Variants in PHLDB1 observed in about 807,000 individuals in gnomAD.
PHLDB1 encodes pleckstrin homology-like domain family B member 1.
PHLDB1 carries 65 observed loss-of-function variants against 139.3 expected under a neutral mutation model. That is an observed-to-expected ratio of 0.47 (90% CI 0.38 to 0.57). PHLDB1 has a LOEUF of 0.57. PHLDB1 is among the 20% of genes least tolerant of loss of function. PHLDB1 has a pLI of 0.00. For synonymous variants in PHLDB1, 679 were observed against 734.5 expected, an observed-to-expected ratio of 0.92 and a Z score of 1.22; for missense variants, 1,624 against 1,839.7, an observed-to-expected ratio of 0.88 and a Z score of 2.14.
intron 4 of PHLDB1, among the ~76,000 whole-genome samples, chr11:118,617,366 G>A (rs1941855366): frequency 1.3e-5 from 2 of 152,108 alleles, no homozygotes; most frequent in Non-Finnish European, 2.9e-5. Context: ...CCTTGGAAGT[G>A]GCCATCCTAC....
In PHLDB1 at chr11:118,656,765, G is replaced by A. The variant is rs144682445; in HGVS notation, c.4076G>A (p.Arg1359His). Residue 1359 changes from arginine (R) to histidine (H), a missense_variant, in exon 23 of 23, where the codon CGT becomes CAT. Coordinates refer to ENST00000600882, the MANE Select transcript of PHLDB1 (RefSeq NM_001144758.3). ...YMVAPSAEAM[R>H]IWMDVIVTGA... ...GTGGCCCCATCTGCAGAGGCCATGC[G>A]TATCTGGATGGATGTCATTGTCACA... 320 of 1,613,772 alleles carry A rather than the reference G, an allele frequency of 2.0e-4. 1 individual carries two copies. Among genetic ancestry groups the A allele is most frequent in the Non-Finnish European group, 2.5e-4 (297 of 1,179,660 alleles).
Position 118,644,075 on chromosome 11 carries a change from G to A in PHLDB1, c.3022G>A (p.Ala1008Thr), listed in dbSNP as rs1156347951. 36 of 1,613,426 alleles carry A rather than the reference G, an allele frequency of 2.2e-5. No individual in the cohort carries two copies. Among genetic ancestry groups the A allele is most frequent in the East Asian group, 4.5e-5 (2 of 44,876 alleles). The change falls in exon 15 of 23, where the codon GCT becomes ACT. Residue 1008 changes from alanine to threonine, a missense_variant. Transcript: ENST00000600882. ...CGAACTCTCCATTCCTCTGCAGAGC[G>A]CTCTACTCACCCAGAATGGCACGGG... is the stretch of plus-strand genomic sequence containing the variant. ...TLGRSPSPKS[A>T]LLTQNGTGSL...
rs539110603 is a variant in PHLDB1, at chr11:118,650,691, T to C, written c.3874+144T>C. ...AGGCTTTGCCCTCCTTCCCTGAAAA[T>C]GTACACAATGTACCTGGTTCACCTC... On this transcript the variant is annotated intron_variant, in intron 20 of 22. Coordinates refer to ENST00000600882, the MANE Select transcript of PHLDB1 (RefSeq NM_001144758.3). This position sits in a 1 kb window ranked among gnomAD's most constrained non-coding sequence, Gnocchi z 4.7. The C allele has an allele frequency of 6.4e-6, 4 of 621,786 alleles. No individual in the cohort carries two copies. Among genetic ancestry groups the C allele is most frequent in the African/African-American group, 5.5e-5 (3 of 54,500 alleles). 38.5% of individuals were successfully genotyped at this position (621,786 alleles called of 1,614,324 possible). A position where few individuals can be genotyped will look rare whatever the true frequency, so the allele number is the denominator to read the frequency against.
chr11:118,656,284 C>G (rs1415658903), intron 22 of PHLDB1, among the ~76,000 whole-genome samples: 1 of 152,212 alleles, frequency 6.6e-6, no homozygotes, highest in Non-Finnish European at 1.5e-5. Context: ...CTCTGCTCCT[C>G]TGGGGTCCCA....
chr11:118,647,791 G>A (rs1555130516), intron 17 of PHLDB1, 139 bp from the exon 18 acceptor site: 2 of 845,446 alleles, frequency 2.4e-6, no homozygotes, highest in African/African-American at 1.7e-5. Flanking sequence ...CTCTTGGAGA[G>A]GGTGGGCTTT....
intron 1 of PHLDB1, among the ~76,000 whole-genome samples, chr11:118,612,815 G>A (rs1001455734): frequency 6.6e-6 from 1 of 152,196 alleles, no homozygotes; most frequent in Non-Finnish European, 1.5e-5. Flanking sequence ...GTTTCCCTGG[G>A]TCTGCCTCCT....
chr11:118,651,565 G>A (rs1948346221), intron 20 of PHLDB1: 1 of 150,992 alleles, frequency 6.6e-6, no homozygotes. Context: ...GAAGCGGGCA[G>A]ATCACGAGGT....
rs782767250 is a variant in PHLDB1 at position 118,627,337 on chromosome 11, A to G, written c.514A>G (p.Thr172Ala). The change falls in exon 6 of 23, where the codon ACC becomes GCC. Residue 172 changes from threonine (T) to alanine (A), a missense_variant. Transcript: ENST00000600882. ...AGAAAGTCTGGTAAATGGGAACCAC[A>G]CCCCACAGACTGCAACACGGGGACC... The part of the protein sequence containing the change: ...ESESLVNGNH[T>A]PQTATRGPSA... 9.9e-6 allele frequency: 16 copies of G among 1,613,828 alleles called. No individual in the cohort carries two copies. The highest frequency in any genetic ancestry group is 1.4e-5 in the Non-Finnish European group (16 of 1,179,944).
Position 118,638,878 on chromosome 11 carries a change from C to G in PHLDB1, c.2536-13C>G, listed in dbSNP as rs782409306. On this transcript the variant is annotated splice_polypyrimidine_tract_variant and intron_variant, in intron 10 of 22. Coordinates refer to ENST00000600882, the MANE Select transcript of PHLDB1 (RefSeq NM_001144758.3). ...TCTCCCCAGGGCCTGATCAACCACC[C>G]CATCTCCTTTAGGAGCGCCTGGCCA... 3 of 1,594,674 alleles carry G rather than the reference C, an allele frequency of 1.9e-6. No homozygotes were observed. The African/African-American group carries it at 4.0e-5, about 21-fold the overall frequency.
Position 118,628,121 on chromosome 11 carries a change from T to G in PHLDB1, c.1298T>G (p.Leu433Ter), listed in dbSNP as rs1555105178. The G allele has an allele frequency of 6.2e-7, 1 of 1,613,786 alleles. No individual in the cohort carries two copies. The highest frequency in any genetic ancestry group is 8.5e-7 in the Non-Finnish European group (1 of 1,179,970). The change falls in exon 6 of 23, where the codon TTA becomes TGA. Residue 433 changes from leucine to a stop codon, truncating the protein, a stop_gained. Transcript: ENST00000600882. LOFTEE classifies it high-confidence loss of function. Reference protein sequence around the residue: ...QLVGRTFSDGLATRTLQPPES... With the variant: ...QLVGRTFSDG ...GTGGGCCGAACATTTTCAGATGGGT[T>G]AGCCACCCGTACCCTGCAGCCTCCT...
At chr11:118,642,146 C>T (rs1555121584) in intron 12 of PHLDB1, 108 bp from the exon 13 acceptor site, 1 of 1,061,010 alleles carries the variant, frequency 9.4e-7, no homozygotes, top group Admixed American at 1.8e-5. Flanking sequence ...TCTTCCTCTT[C>T]TTTCTTCTTT....
chr11:118,656,668 C>G lies in PHLDB1; in HGVS notation c.3994-15C>G, dbSNP rs111245661. On this transcript the variant is annotated splice_polypyrimidine_tract_variant and intron_variant, in intron 22 of 22. Transcript: ENST00000600882. ...GGTGAGCCCCATCTTAGACCTTCCT[C>G]TCTTCCTTTGGCAGAGCCCGAACCC... is the stretch of plus-strand genomic sequence containing the variant. 6.5e-4 allele frequency: 1,044 copies of G among 1,611,656 alleles called. 5 individuals carry two copies. In the African/African-American group the frequency reaches 8.3e-3, roughly 13 times the overall value.
chr11:118,616,373 A>G (rs1177839431), intron 4 of PHLDB1, among the ~76,000 whole-genome samples, 162 bp downstream of exon 4: 9 of 152,194 alleles, frequency 5.9e-5, no homozygotes, highest in African/African-American at 1.9e-4. Context: ...ACAACATCCC[A>G]AACCCTTTCA....
rs1555114604 is a variant in PHLDB1, at chr11:118,635,431, G to A, written c.2418G>A (p.Glu806=). ...EALETETKLF[E]DLEFQQLERE... is the part of the protein sequence containing the mutation. The stretch of plus-strand genomic sequence containing the variant: ...TGGAGACTGAGACAAAGCTCTTTGA[G>A]GACTTGGAGTTCCAGCAGTTGGAGC... The change falls in exon 10 of 23, where the codon GAG becomes GAA. Residue 806 remains glutamate (E), a synonymous_variant. Coordinates refer to ENST00000600882, the MANE Select transcript of PHLDB1 (RefSeq NM_001144758.3). The A allele has an allele frequency of 3.1e-6, 5 of 1,610,620 alleles. No homozygotes were observed. The highest frequency in any genetic ancestry group is 3.4e-6 in the Non-Finnish European group (4 of 1,178,778).
At position 118,610,753 on chromosome 11, in the gene PHLDB1, C is replaced by T. The variant is rs1205229642; in HGVS notation, c.-22+3054C>T. 3.3e-5 allele frequency among the ~76,000 whole-genome samples: 5 copies of T among 152,158 alleles called. No individual in the cohort carries two copies. The highest frequency in any genetic ancestry group is 1.3e-4 in the Admixed American group (2 of 15,286). ...AGTTCACTCTGGGTGCTCCACTCGG[C>T]GGAGAGGGCTTCAGACTGGTGTCCC... On this transcript the variant is annotated intron_variant, in intron 1 of 22. Coordinates refer to ENST00000600882, the MANE Select transcript of PHLDB1 (RefSeq NM_001144758.3). The surrounding 1 kb of genome is among the most constrained non-coding windows in gnomAD (Gnocchi z 8.7).
At chr11:118,655,785 C>T in intron 21 of PHLDB1, 75 bp from the exon 22 acceptor site, 1 of 1,491,610 alleles carries the variant, frequency 6.7e-7, no homozygotes, top group Non-Finnish European at 9.4e-7. Context: ...TCCAGCCTGC[C>T]CTCTACAGAG....
intron 4 of PHLDB1, among the ~76,000 whole-genome samples, chr11:118,621,096 T>C (rs1273696526): frequency 6.6e-6 from 1 of 152,130 alleles, no homozygotes; most frequent in African/African-American, 2.4e-5. Flanking sequence ...ACCTGTCCTT[T>C]GCTTGGCCTC....
In PHLDB1 at chr11:118,610,211, C is replaced by G. The variant is rs182514287; in HGVS notation, c.-22+2512C>G. Among the ~76,000 whole-genome samples the G allele has an allele frequency of 1.8e-4, 27 of 152,072 alleles. No homozygotes were observed. The highest frequency in any genetic ancestry group is 2.8e-4 in the Non-Finnish European group (19 of 67,968). Reference sequence around the variant, plus strand: ...TTTTCCCATCTCTTAGTCTGCCTTTCATTTTCCCCTTCACATCCCGGTGGC... The same window carrying G: ...TTTTCCCATCTCTTAGTCTGCCTTTGATTTTCCCCTTCACATCCCGGTGGC... On this transcript the variant is annotated intron_variant, in intron 1 of 22. Transcript: ENST00000600882. The surrounding 1 kb of genome is among the most constrained non-coding windows in gnomAD (Gnocchi z 8.7).
At chr11:118,619,376 C>T (rs1208592466) in intron 4 of PHLDB1, among the ~76,000 whole-genome samples, 1 of 152,194 alleles carries the variant, frequency 6.6e-6, no homozygotes, top group Non-Finnish European at 1.5e-5. Context: ...TCTGGGTTAT[C>T]CAGCTGCCTC....
Sources: allele counts gnomAD v4.1 joint callset (sites outside exome capture counted in the v4.1 genomes callset), GRCh38; gene constraint gnomAD v4.1.1; non-coding constraint Gnocchi (gnomAD v3.1); transcripts MANE v1.5; gene names NCBI Gene and HGNC (gene_info 2026-07-23, HGNC 2026-07-21).